ENAH: variants seen among roughly 807,000 people sequenced by gnomAD.
The protein encoded by ENAH is protein enabled homolog.
Under a neutral mutation model 78.7 loss-of-function variants are expected in ENAH, and 23 were observed. The observed-to-expected ratio is 0.29, with a 90% CI of 0.21 to 0.41. ENAH has a LOEUF of 0.41. Among genes scored for constraint, ENAH ranks in the 10% least tolerant of loss-of-function variants. The pLI is 1.00. For synonymous variants in ENAH, 226 were observed against 241.0 expected (o/e 0.94, Z 0.58); for missense variants, 544 against 691.0 (o/e 0.79, Z 2.39).
At chr1:225,601,350 C>A (rs2096929642) in intron 1 of ENAH, among the ~76,000 whole-genome samples, 1 of 152,182 alleles carries the variant, frequency 6.6e-6, no homozygotes, top group African/African-American at 2.4e-5. Flanking sequence ...AACCCCGTGT[C>A]TACTAAAAAT....
intron 1 of ENAH, among the ~76,000 whole-genome samples, chr1:225,577,334 T>G (rs1253892743): frequency 6.6e-6 from 1 of 152,094 alleles, no homozygotes; most frequent in African/African-American, 2.4e-5. Flanking sequence ...AAAAATTTGC[T>G]TGCTAGTTAC....
intron 3 of ENAH, among the ~76,000 whole-genome samples, chr1:225,550,971 A>G (rs1398457161): frequency 6.6e-6 from 1 of 152,220 alleles, no homozygotes; most frequent in Non-Finnish European, 1.5e-5. Context: ...TGCCTCCACC[A>G]ATTATCACAA....
At chr1:225,616,860 G>A (rs1296749311) in intron 1 of ENAH, among the ~76,000 whole-genome samples, 1 of 152,122 alleles carries the variant, frequency 6.6e-6, no homozygotes, top group Non-Finnish European at 1.5e-5. Flanking sequence ...AACACTTTGC[G>A]AGGCTGAGGC....
rs1042671780 is a variant in ENAH at position 225,493,858 on chromosome 1, A to C, written c.*3917T>G. On this transcript the variant is annotated 3_prime_UTR_variant, in exon 14 of 14. Transcript: ENST00000366843. ...TTTGCACACTGTGCTTCATAGGGTA[A>C]TACTACTTAGAATTAAAAGGCCAAT... 2 of 152,174 alleles carry C rather than the reference A, an allele frequency of 1.3e-5. No homozygotes were observed. Among genetic ancestry groups the C allele is most frequent in the African/African-American group, 4.8e-5 (2 of 41,446 alleles). The allele number at this position is 152,174 out of a possible 1,614,324, so 9.4% of individuals were successfully genotyped here.
At chr1:225,627,186 G>A (rs1328601011) in intron 1 of ENAH, among the ~76,000 whole-genome samples, 3 of 152,026 alleles carry the variant, frequency 2.0e-5, no homozygotes, top group Non-Finnish European at 4.4e-5. Flanking sequence ...CTGAAACTTT[G>A]GGAAAAATGT....
At chr1:225,538,820 C>T (rs2096575168) in intron 3 of ENAH, among the ~76,000 whole-genome samples, 1 of 152,148 alleles carries the variant, frequency 6.6e-6, no homozygotes, top group Non-Finnish European at 1.5e-5. Flanking sequence ...AATGGCCCTG[C>T]CTCTAGCTAA....
At chr1:225,504,983 G>T (rs777086341) in intron 11 of ENAH, 2 of 1,606,568 alleles carry the variant, frequency 1.2e-6, no homozygotes, top group Non-Finnish European at 1.7e-6. Flanking sequence ...GTCACAGCAG[G>T]ATGATACCTG....
In ENAH at chr1:225,517,719, G is replaced by T. The variant is rs1404904204; in HGVS notation, c.803-413C>A. 7 of 1,551,212 alleles carry T rather than the reference G, an allele frequency of 4.5e-6. No individual in the cohort carries two copies. The South Asian group carries it at 8.3e-5, about 18-fold the overall frequency. The stretch of plus-strand genomic sequence containing the variant: ...CAGGAGAAGAAGGTCGAGAGTTTTT[G>T]TTCAGAGGACGAGGAACTGTAGCGT... On this transcript the variant is annotated intron_variant, in intron 5 of 13. Coordinates refer to ENST00000366843, the MANE Select transcript of ENAH (RefSeq NM_018212.6).
intron 2 of ENAH, among the ~76,000 whole-genome samples, chr1:225,563,229 T>C (rs982133440): frequency 3.3e-5 from 5 of 152,222 alleles, no homozygotes; most frequent in African/African-American, 7.2e-5. Flanking sequence ...AATTACATCA[T>C]TGGTGAGTAA....
At chr1:225,580,869 C>A (rs539173280) in intron 1 of ENAH, among the ~76,000 whole-genome samples, 1 of 147,100 alleles carries the variant, frequency 6.8e-6, no homozygotes. Flanking sequence ...TCACTGTACT[C>A]CAGCCTGGGC....
At position 225,585,215 on chromosome 1, in the gene ENAH, CAAAAAAAAAAAAAAAAA is replaced by C. The variant is rs58586397; in HGVS notation, c.6-17818_6-17802del. Reference sequence around the variant, plus strand: ...TGGGCGACGGAGTGATACCCTGTCTCAAAAAAAAAAAAAAAAAAAAAAAAAAAAAAAACAGAGAAAGA... The same window carrying C: ...TGGGCGACGGAGTGATACCCTGTCTCAAAAAAAAAAAAAAACAGAGAAAGA... On this transcript the variant is annotated intron_variant, in intron 1 of 13. Transcript: ENST00000366843. Among the ~76,000 whole-genome samples, 76 of 49,938 alleles carry C rather than the reference CAAAAAAAAAAAAAAAAA, an allele frequency of 1.5e-3. 1 individual carries two copies. Among genetic ancestry groups the C allele is most frequent in the African/African-American group, 5.4e-3 (66 of 12,206 alleles). 32.8% of individuals were successfully genotyped at this position (49,938 alleles called of 152,430 possible). A position where few individuals can be genotyped will look rare whatever the true frequency, so the allele number is the denominator to read the frequency against.
At chr1:225,607,579 G>A (rs2096963347) in intron 1 of ENAH, among the ~76,000 whole-genome samples, 2 of 149,842 alleles carry the variant, frequency 1.3e-5, no homozygotes. Flanking sequence ...CGAAATCCCA[G>A]ATATCATAAC....
chr1:225,561,200 G>A (rs1386437666), intron 2 of ENAH, among the ~76,000 whole-genome samples: 2 of 151,788 alleles, frequency 1.3e-5, no homozygotes, highest in African/African-American at 2.4e-5. Flanking sequence ...ACCACTGCAC[G>A]CCAGCCTGGT....
chr1:225,562,353 A>T (rs1379721715), intron 2 of ENAH, among the ~76,000 whole-genome samples: 2 of 151,764 alleles, frequency 1.3e-5, no homozygotes, highest in Non-Finnish European at 2.9e-5. Flanking sequence ...CGGGCAGATC[A>T]CGAGGTCAGG....
intron 11 of ENAH, among the ~76,000 whole-genome samples, chr1:225,505,678 A>G (rs901137907): frequency 6.6e-6 from 1 of 152,230 alleles, no homozygotes; most frequent in Non-Finnish European, 1.5e-5. Context: ...TAGGAAGAAA[A>G]GCAATATAGT....
chr1:225,628,943 A>G (rs115007309), intron 1 of ENAH, among the ~76,000 whole-genome samples: 6,480 of 151,580 alleles, frequency 0.043, 226 homozygotes, highest in South Asian at 0.1. Context: ...CTGTGAACAG[A>G]TATGAAAAGC....
intron 4 of ENAH, among the ~76,000 whole-genome samples, chr1:225,523,957 G>T (rs746182591): frequency 3.3e-5 from 5 of 152,034 alleles, no homozygotes; most frequent in Non-Finnish European, 5.9e-5. Flanking sequence ...CCTTAATTCT[G>T]AACCATGAAA....
At chr1:225,643,709 G>A (rs1163851742) in intron 1 of ENAH, among the ~76,000 whole-genome samples, 1 of 152,182 alleles carries the variant, frequency 6.6e-6, no homozygotes, top group Non-Finnish European at 1.5e-5. Context: ...GCTGAAGTGG[G>A]AGGATGACTT....
chr1:225,502,548 A>G (rs1302669402), intron 11 of ENAH, among the ~76,000 whole-genome samples: 1 of 152,206 alleles, frequency 6.6e-6, no homozygotes, highest in Non-Finnish European at 1.5e-5. Context: ...ACTGCTTAAA[A>G]GACTGTTAGG....
Sources: allele counts gnomAD v4.1 joint callset (sites outside exome capture counted in the v4.1 genomes callset), GRCh38; gene constraint gnomAD v4.1.1; transcripts MANE v1.5; gene names NCBI Gene and HGNC (gene_info 2026-07-23, HGNC 2026-07-21).